TMEM132B: variants seen among roughly 807,000 people sequenced by gnomAD.
The protein encoded by TMEM132B is transmembrane protein 132B.
TMEM132B carries 18 observed loss-of-function variants against 90.8 expected under a neutral mutation model. The ratio of observed to expected loss-of-function variants is 0.20; its 90% CI spans 0.14 to 0.29. TMEM132B has a LOEUF of 0.29. Ranked by LOEUF, TMEM132B falls within the 10% of genes least tolerant of loss-of-function variation. The pLI is 1.00. For missense variants in TMEM132B, 1,096 were observed against 1,326.8 expected (o/e 0.83, Z 2.70); for synonymous variants, 504 against 523.3 (o/e 0.96, Z 0.50).
intron 2 of TMEM132B, among the ~76,000 whole-genome samples, chr12:125,350,856 C>T (rs762475172): frequency 9.9e-5 from 15 of 152,116 alleles, no homozygotes; most frequent in South Asian, 2.1e-4. Context: ...AGGTCAGGGG[C>T]GTATCATCAG....
chr12:125,518,110 G>T (rs1418850269), intron 3 of TMEM132B, among the ~76,000 whole-genome samples: 1 of 152,066 alleles, frequency 6.6e-6, no homozygotes, highest in African/African-American at 2.4e-5. Context: ...TTTCCCTTTG[G>T]GTAGAATTTC....
rs1015700710 is a variant in TMEM132B, at chr12:125,459,374, C to T, written c.1106+43697C>T. On this transcript the variant is annotated intron_variant, in intron 3 of 8. Transcript: ENST00000682704. The surrounding 1 kb of genome is among the most constrained non-coding windows in gnomAD (Gnocchi z 4.1). ...ACGAGGGCACGTTTTCTAAAACTAC[C>T]GAGAGAACTGGAGATCATCATGCTA... 6.6e-6 allele frequency among the ~76,000 whole-genome samples: 1 copy of T among 152,052 alleles called. No homozygotes were observed. The highest frequency in any genetic ancestry group is 2.4e-5 in the African/African-American group (1 of 41,378).
At chr12:125,471,145 T>TCTG (rs1211434251) in intron 3 of TMEM132B, among the ~76,000 whole-genome samples, 4 of 152,226 alleles carry the variant, frequency 2.6e-5, no homozygotes, top group African/African-American at 9.6e-5. Flanking sequence ...TTCCAGCCTG[T>TCTG]CTGCTGCATT....
intron 2 of TMEM132B, among the ~76,000 whole-genome samples, chr12:125,370,710 A>G (rs1339407933): frequency 6.6e-6 from 1 of 152,164 alleles, no homozygotes; most frequent in Non-Finnish European, 1.5e-5. Context: ...CATCCGGCCA[A>G]TTTCAGGGTT....
chr12:125,584,066 G>A, intron 5 of TMEM132B, 72 bp downstream of exon 5: 1 of 1,606,886 alleles, frequency 6.2e-7, no homozygotes, highest in Non-Finnish European at 8.5e-7. Flanking sequence ...TGTCTCCAAG[G>A]TCTTGTTCTC....
chr12:125,522,107 A>G (rs1419061957), intron 4 of TMEM132B, among the ~76,000 whole-genome samples: 1 of 152,126 alleles, frequency 6.6e-6, no homozygotes, highest in Non-Finnish European at 1.5e-5. Context: ...ATGCTCCATT[A>G]TGGCTGATTT....
At chr12:125,270,834 G>A (rs1033193455) in intron 1 of TMEM132B, among the ~76,000 whole-genome samples, 36 of 152,118 alleles carry the variant, frequency 2.4e-4, no homozygotes, top group African/African-American at 7.7e-4. Flanking sequence ...GGCTCCACAT[G>A]TGCCCAACTT....
At chr12:125,265,842 C>T (rs1465083792) in intron 1 of TMEM132B, among the ~76,000 whole-genome samples, 4 of 152,142 alleles carry the variant, frequency 2.6e-5, no homozygotes, top group African/African-American at 9.7e-5. Flanking sequence ...ATTCTCATTG[C>T]TGTAGAACAG....
intron 3 of TMEM132B, among the ~76,000 whole-genome samples, chr12:125,471,588 C>T (rs527657071): frequency 1.3e-5 from 2 of 152,148 alleles, no homozygotes; most frequent in Non-Finnish European, 2.9e-5. Context: ...TGCAGGGAGC[C>T]GCTGACTGAA....
chr12:125,575,475 A>G (rs921110188), intron 4 of TMEM132B, among the ~76,000 whole-genome samples: 4 of 151,182 alleles, frequency 2.6e-5, no homozygotes, highest in African/African-American at 9.7e-5. Context: ...CCCTTATCAA[A>G]TATATTATTT....
rs73412504 is a variant in TMEM132B, at chr12:125,253,409, C to A, written c.67+66543C>A. On this transcript the variant is annotated intron_variant, in intron 1 of 8. Transcript: ENST00000682704. ...GCTGAGAACATTTCATACATCTCTT[C>A]ATTTTCTTTTTTCTTTCCCCCCCAC... Among the ~76,000 whole-genome samples, 360 of 151,244 alleles carry A rather than the reference C, an allele frequency of 2.4e-3. 2 individuals are homozygous for A. The highest frequency in any genetic ancestry group is 8.3e-3 in the African/African-American group (342 of 41,280).
chr12:125,370,401 C>G (rs1452129332), intron 2 of TMEM132B, among the ~76,000 whole-genome samples: 1 of 152,200 alleles, frequency 6.6e-6, no homozygotes, highest in African/African-American at 2.4e-5. Context: ...CACGTGCATC[C>G]AAGTCTGCCC....
intron 2 of TMEM132B, among the ~76,000 whole-genome samples, chr12:125,411,109 T>G (rs1593131225): frequency 1.3e-4 from 2 of 15,700 alleles, no homozygotes; most frequent in Admixed American, 1.1e-3. Flanking sequence ...GTGGAGTGAG[T>G]GGAGTGGAGT....
At chr12:125,509,622 G>A (rs1390236981) in intron 3 of TMEM132B, among the ~76,000 whole-genome samples, 2 of 152,120 alleles carry the variant, frequency 1.3e-5, no homozygotes, top group African/African-American at 4.8e-5. Flanking sequence ...GGTTGGCTGC[G>A]GGGAGTGGAT....
chr12:125,318,949 G>A (rs1876353940), intron 1 of TMEM132B, among the ~76,000 whole-genome samples: 1 of 152,258 alleles, frequency 6.6e-6, no homozygotes, highest in African/African-American at 2.4e-5. Context: ...TTGCTGGACT[G>A]GATGTCCTTG....
rs1875860831 is a variant in TMEM132B, at chr12:125,251,105, A to G, written c.67+64239A>G. 6.6e-6 allele frequency among the ~76,000 whole-genome samples: 1 copy of G among 152,176 alleles called. No individual in the cohort carries two copies. The highest frequency in any genetic ancestry group is 6.5e-5 in the Admixed American group (1 of 15,280). ...TCAGGAGTGAGTGGCATCCCCTTTGATTTCTTCAGTAGGACATCATCCTTC... is the reference window on the plus strand; with the variant it reads ...TCAGGAGTGAGTGGCATCCCCTTTGGTTTCTTCAGTAGGACATCATCCTTC... On this transcript the variant is annotated intron_variant, in intron 1 of 8. Transcript: ENST00000682704. This position sits in a 1 kb window ranked among gnomAD's most constrained non-coding sequence, Gnocchi z 4.4.
chr12:125,602,816 C>A (rs578078876), intron 5 of TMEM132B, among the ~76,000 whole-genome samples: 1 of 152,036 alleles, frequency 6.6e-6, no homozygotes, highest in Admixed American at 6.6e-5. Context: ...TCCCTATATA[C>A]CAACAATAGA....
intron 1 of TMEM132B, among the ~76,000 whole-genome samples, chr12:125,292,292 G>C (rs954123220): frequency 6.6e-6 from 1 of 152,178 alleles, no homozygotes; most frequent in Non-Finnish European, 1.5e-5. Context: ...TAAAATTGCA[G>C]TGACAGAATG....
intron 1 of TMEM132B, among the ~76,000 whole-genome samples, chr12:125,296,744 T>C (rs1565995580): frequency 1.3e-5 from 2 of 152,190 alleles, no homozygotes; most frequent in Non-Finnish European, 2.9e-5. Flanking sequence ...GGCTGCAAAG[T>C]GTCTTTCCAT....
Sources: gnomAD v4.1 joint callset for allele counts (sites outside exome capture counted in the v4.1 genomes callset) on GRCh38, gnomAD v4.1.1 for gene constraint, Gnocchi (gnomAD v3.1) non-coding constraint, MANE v1.5 for transcripts, NCBI Gene and HGNC (gene_info 2026-07-23, HGNC 2026-07-21) for gene names.